Variants in OGG1 observed in about 807,000 individuals in gnomAD.
OGG1 encodes the protein N-glycosylase/DNA lyase.
A neutral mutation model predicts 42.3 loss-of-function variants in OGG1; 35 were observed. The ratio of observed to expected loss-of-function variants is 0.83; its 90% confidence interval spans 0.63 to 1.10. The LOEUF (loss-of-function observed/expected upper bound fraction) is 1.10, where lower values mean the gene tolerates loss of function less well. Among genes scored for constraint, OGG1 ranks in the 50% least tolerant of loss-of-function variants. The probability of loss-of-function intolerance (pLI) is 0.00; values close to 1 mark genes in which losing one functional copy is unlikely to be tolerated. For synonymous variants in OGG1, 189 were observed against 179.0 expected (o/e 1.06, Z -0.44); for missense variants, 484 against 446.7 (o/e 1.08, Z -0.75).
At chr3:9,773,310 A>G (rs891850897) in intron 2 of OGG1, among the ~76,000 whole-genome samples, 1 of 151,688 alleles carries the variant, frequency 6.6e-6, no homozygotes, top group Non-Finnish European at 1.5e-5. Flanking sequence ...CGGGTGGATC[A>G]TGAGGTCAGG....
At chr3:9,765,626 G>A in intron 7 of OGG1, 1 of 1,057,946 alleles carries the variant, frequency 9.5e-7, no homozygotes, top group Non-Finnish European at 1.4e-6. Context: ...AGTGGAAATT[G>A]TGATCCCCAT....
intron 2 of OGG1, among the ~76,000 whole-genome samples, chr3:9,773,417 T>G (rs2078326183): frequency 6.6e-6 from 1 of 152,020 alleles, no homozygotes; most frequent in South Asian, 2.1e-4. Context: ...GGCGGGCGCC[T>G]GTAGTCCCAG....
chr3:9,750,981 A>T lies in OGG1; in HGVS notation c.174A>T (p.Val58=), dbSNP rs201668327. The change falls in exon 2 of 7, where the codon GTA becomes GTT. Residue 58 remains valine (V), a synonymous_variant. Coordinates refer to ENST00000344629, the MANE Select transcript of OGG1 (RefSeq NM_002542.6). The part of the protein sequence containing the change: ...REQSPAHWSG[V]LADQVWTLTQ... ...AAAGTCCTGCACACTGGAGTGGTGT[A>T]CTAGCGGATCAAGTATGGACACTGA... 2.3e-4 allele frequency: 364 copies of T among 1,614,008 alleles called. No individual in the cohort carries two copies. The highest frequency in any genetic ancestry group is 3.0e-4 in the Non-Finnish European group (352 of 1,180,008).
At chr3:9,759,348 T>A (rs1361830527), downstream of OGG1, 3 of 1,548,416 alleles carry the variant, frequency 1.9e-6, no homozygotes, top group African/African-American at 4.1e-5. Context: ...AAAGAGTGAA[T>A]GAATGAAGTC....
chr3:9,757,853 T>G (rs1428173008), downstream of OGG1: 1 of 1,596,930 alleles, frequency 6.3e-7, no homozygotes, highest in Non-Finnish European at 8.6e-7. This position sits in a 1 kb window ranked among gnomAD's most constrained non-coding sequence, Gnocchi z 4.5. Context: ...CTTGCTGGCA[T>G]TGAAGGCATT....
intron 2 of OGG1, chr3:9,781,487 CTT>C (rs1294598623): frequency 1.3e-5 from 6 of 455,518 alleles, no homozygotes; most frequent in Middle Eastern, 3.8e-4. Context: ...GGGCCAAACT[CTT>C]GTTTTTAAAC....
chr3:9,769,086 ACATGTACT>A (rs1157517099), downstream of OGG1, among the ~76,000 whole-genome samples: 1 of 151,994 alleles, frequency 6.6e-6, no homozygotes, highest in Non-Finnish European at 1.5e-5. Context: ...ACCTGATCAT[ACATGTACT>A]CCCAGACATC....
chr3:9,789,644 G>T (rs765914608), downstream of OGG1: 4 of 1,611,484 alleles, frequency 2.5e-6, no homozygotes, highest in Non-Finnish European at 3.4e-6. Flanking sequence ...CTGAGTGGGC[G>T]CCCCTGCCCC....
downstream of OGG1, chr3:9,761,422 C>G: frequency 6.3e-7 from 1 of 1,583,122 alleles, no homozygotes; most frequent in Non-Finnish European, 8.6e-7. Flanking sequence ...GAGAGGACAA[C>G]TCTGGAGCCA....
intron 3 of OGG1, among the ~76,000 whole-genome samples, chr3:9,754,329 G>A (rs964351280): frequency 6.6e-5 from 10 of 152,212 alleles, no homozygotes; most frequent in African/African-American, 2.4e-4. Flanking sequence ...GAAGCATGTT[G>A]CCTAGCACTT....
chr3:9,750,945 G>A lies in OGG1; in HGVS notation c.138G>A (p.Arg46=). 6.2e-7 allele frequency: 1 copy of A among 1,613,986 alleles called. No homozygotes were observed. The highest frequency in any genetic ancestry group is 8.5e-7 in the Non-Finnish European group (1 of 1,179,998). The change falls in exon 2 of 7, where the codon CGG becomes CGA. Residue 46 remains arginine (R), a splice_region_variant and synonymous_variant. Transcript: ENST00000344629. ...GGGTTGTCATGTGCCTTGGGCTCAG[G>A]TGGAGGGAGCAAAGTCCTGCACACT... is the stretch of plus-strand genomic sequence containing the variant. ...DLVLPSGQSF[R]WREQSPAHWS...
chr3:9,762,998 C>T (rs1299122003), intron 7 of OGG1: 2 of 1,614,166 alleles, frequency 1.2e-6, no homozygotes, highest in South Asian at 2.2e-5. Flanking sequence ...TGGCGTCCCG[C>T]TCCGTGTAGA....
intron 3 of OGG1, chr3:9,784,153 A>G (rs745915291): frequency 6.4e-5 from 103 of 1,614,012 alleles, no homozygotes; most frequent in Non-Finnish European, 8.3e-5. Context: ...CAGACTCCAA[A>G]AGGCCCTGGG....
chr3:9,776,451 G>A (rs142463664), intron 2 of OGG1, among the ~76,000 whole-genome samples: 378 of 146,520 alleles, frequency 2.6e-3, no homozygotes, highest in African/African-American at 9.1e-3. Flanking sequence ...GTGCAGTGGC[G>A]CGATCTCGGC....
chr3:9,766,860 C>G (rs189857620), downstream of OGG1: 3 of 162,786 alleles, frequency 1.8e-5, no homozygotes, highest in African/African-American at 7.2e-5. Flanking sequence ...GAGTGACTAT[C>G]CTGAATTGCA....
exon 4 of OGG1, chr3:9,788,019 GA>G: frequency 3.4e-6 from 1 of 295,096 alleles, no homozygotes; most frequent in Non-Finnish European, 6.7e-6. Context: ...TATGGCCGAG[GA>G]AAATGGAGAG....
At chr3:9,769,469 AAC>A (rs921281791), downstream of OGG1, among the ~76,000 whole-genome samples, 94 of 152,192 alleles carry the variant, frequency 6.2e-4, no homozygotes, top group African/African-American at 2.0e-3. Context: ...TGGAACAAAA[AAC>A]ACACAGATTC....
chr3:9,756,493 T>A lies in OGG1; in HGVS notation c.770T>A (p.Met257Lys). Residue 257 changes from methionine to lysine, a missense_variant, in exon 5 of 7, where the codon ATG becomes AAG. Physicochemically the swap from Met to Lys is moderately conservative, Grantham distance 95. Transcript: ENST00000344629. ...GTKVADCICL[M>K]ALDKPQAVPV... is the part of the protein sequence containing the mutation. The stretch of plus-strand genomic sequence containing the variant: ...AAGGTGGCTGACTGCATCTGCCTGA[T>A]GGCCCTAGACAAGCCCCAGGCTGTG... The A allele has an allele frequency of 6.2e-7, 1 of 1,614,188 alleles. No individual in the cohort carries two copies. Among genetic ancestry groups the A allele is most frequent in the Non-Finnish European group, 8.5e-7 (1 of 1,180,024 alleles).
At chr3:9,783,236 G>A (rs998199298) in intron 3 of OGG1, 1 of 151,350 alleles carries the variant, frequency 6.6e-6, no homozygotes, top group African/African-American at 2.4e-5. Context: ...AGCATGAAAA[G>A]ACAAAAAATA....
Sources: gnomAD v4.1 joint callset for allele counts (sites outside exome capture counted in the v4.1 genomes callset) on GRCh38, gnomAD v4.1.1 for gene constraint, Gnocchi (gnomAD v3.1) non-coding constraint, MANE v1.5 for transcripts, NCBI Gene and HGNC (gene_info 2026-07-23, HGNC 2026-07-21) for gene names.